Variants in EDIL3 observed in about 807,000 individuals in gnomAD.
EDIL3 encodes EGF like and discoidin domains 3.
In EDIL3, 37 loss-of-function variants were observed where a neutral mutation model predicts 67.4. The ratio of observed to expected loss-of-function variants is 0.55; its 90% CI spans 0.42 to 0.72. The LOEUF is 0.72. EDIL3 is among the 30% of genes least tolerant of loss of function. EDIL3 has a pLI of 0.00. For synonymous variants in EDIL3, 195 were observed against 196.3 expected (o/e 0.99, Z 0.05); for missense variants, 527 against 586.3 (o/e 0.90, Z 1.04).
chr5:84,168,106 TA>T (rs2015692551), intron 4 of EDIL3, among the ~76,000 whole-genome samples: 1 of 152,190 alleles, frequency 6.6e-6, no homozygotes, highest in Non-Finnish European at 1.5e-5. Flanking sequence ...CAAAATAAAT[TA>T]AAATGTTGAG....
intron 9 of EDIL3, among the ~76,000 whole-genome samples, chr5:84,006,343 TAAAACAAAAC>T (rs56161304): frequency 0.07 from 10,356 of 147,788 alleles, 640 homozygotes; most frequent in African/African-American, 0.17. Flanking sequence ...TATGCAGCCA[TAAAACAAAAC>T]AAAACAAAAC....
intron 1 of EDIL3, among the ~76,000 whole-genome samples, chr5:84,294,144 G>A (rs1745987387): frequency 6.6e-6 from 1 of 150,562 alleles, no homozygotes; most frequent in Non-Finnish European, 1.5e-5. Context: ...AGCACTTCAG[G>A]AGGCCGAGAC....
At chr5:84,331,242 C>G (rs1024216059) in intron 1 of EDIL3, among the ~76,000 whole-genome samples, 2 of 152,118 alleles carry the variant, frequency 1.3e-5, no homozygotes, top group Non-Finnish European at 2.9e-5. Flanking sequence ...TAAGTTAAGA[C>G]TTTGGGAGAC....
chr5:84,055,559 T>A (rs1328000178), intron 9 of EDIL3, among the ~76,000 whole-genome samples: 1 of 151,840 alleles, frequency 6.6e-6, no homozygotes, highest in African/African-American at 2.4e-5. Flanking sequence ...AATCTAGTCA[T>A]CTGACAAAGG....
intron 8 of EDIL3, 122 bp from the exon 9 acceptor site, chr5:84,060,606 A>G (rs2112235612): frequency 1.8e-6 from 2 of 1,081,642 alleles, no homozygotes; most frequent in South Asian, 3.4e-5. Context: ...CAAAGAGAAA[A>G]CATCTAAATC....
intron 3 of EDIL3, among the ~76,000 whole-genome samples, chr5:84,216,045 A>G (rs1346105816): frequency 2.6e-5 from 4 of 152,150 alleles, no homozygotes; most frequent in Admixed American, 2.6e-4. Context: ...TCCATGAGTG[A>G]GAAGATGCTG....
At chr5:84,079,107 C>T (rs565985417) in intron 6 of EDIL3, among the ~76,000 whole-genome samples, 43 of 152,222 alleles carry the variant, frequency 2.8e-4, no homozygotes, top group African/African-American at 9.1e-4. Context: ...AGACAGCTTT[C>T]GGGTTGCTGA....
rs61345628 is a variant in EDIL3 at position 83,995,444 on chromosome 5, A to G, written c.1138-32084T>C. ...GAACTATTGAAGAAGTGATCTCTGT[A>G]TCAGTCTATAGAGTAGAATTATCCA... On this transcript the variant is annotated intron_variant, in intron 9 of 10. Coordinates refer to ENST00000296591, the MANE Select transcript of EDIL3 (RefSeq NM_005711.5). Among the ~76,000 whole-genome samples, 318 of 152,326 alleles carry G rather than the reference A, an allele frequency of 2.1e-3. 2 individuals carry two copies. Among genetic ancestry groups the G allele is most frequent in the African/African-American group, 7.5e-3 (310 of 41,586 alleles).
At chr5:84,061,922 C>A (rs1746550769) in intron 8 of EDIL3, among the ~76,000 whole-genome samples, 1 of 152,084 alleles carries the variant, frequency 6.6e-6, no homozygotes, top group Admixed American at 6.6e-5. Context: ...TAGAACTCTT[C>A]ATTGATCAAT....
Position 84,248,657 on chromosome 5 carries a change from CCTT to C in EDIL3, c.196+5424_196+5426del, listed in dbSNP as rs546882610. Among the ~76,000 whole-genome samples the C allele has an allele frequency of 6.6e-5, 10 of 152,292 alleles. No homozygotes were observed. In the South Asian group the frequency reaches 2.1e-3, roughly 32 times the overall value. On this transcript the variant is annotated intron_variant, in intron 2 of 10. Transcript: ENST00000296591. ...TTCAACATGTGAAATACTGAACTCT[CCTT>C]CTGCCTCCCAATCCTGTGTATTGTC... is the stretch of plus-strand genomic sequence containing the variant.
At chr5:84,222,745 C>A (rs1279830957) in intron 3 of EDIL3, among the ~76,000 whole-genome samples, 1 of 149,426 alleles carries the variant, frequency 6.7e-6, no homozygotes, top group Non-Finnish European at 1.5e-5. Flanking sequence ...TGTTGAGCAC[C>A]TTATCATACA....
chr5:84,276,165 A>G (rs1294291263), intron 1 of EDIL3, among the ~76,000 whole-genome samples: 3 of 151,908 alleles, frequency 2.0e-5, no homozygotes, highest in Admixed American at 1.3e-4. Context: ...ATCTTATCTC[A>G]TTCTTTTGTT....
chr5:84,071,994 A>G (rs1171178553), intron 6 of EDIL3, among the ~76,000 whole-genome samples: 1 of 152,174 alleles, frequency 6.6e-6, no homozygotes, highest in Non-Finnish European at 1.5e-5. Flanking sequence ...ACAATTTGAT[A>G]GATTTCTCAA....
At chr5:84,112,701 C>T (rs1487108936) in intron 5 of EDIL3, among the ~76,000 whole-genome samples, 2 of 152,160 alleles carry the variant, frequency 1.3e-5, no homozygotes, top group East Asian at 3.9e-4. Context: ...TGGTCCACAA[C>T]TCATCCACAT....
chr5:84,009,721 G>A (rs1242154720), intron 9 of EDIL3, among the ~76,000 whole-genome samples: 1 of 152,132 alleles, frequency 6.6e-6, no homozygotes, highest in Non-Finnish European at 1.5e-5. Context: ...ATGGAGAAAT[G>A]GATGACTCGA....
At chr5:84,303,411 T>C (rs781726973) in intron 1 of EDIL3, among the ~76,000 whole-genome samples, 2 of 152,280 alleles carry the variant, frequency 1.3e-5, no homozygotes, top group East Asian at 3.9e-4. Flanking sequence ...ATTCTAGCCA[T>C]GCATAAACAT....
chr5:84,055,556 T>C (rs1480076025), intron 9 of EDIL3, among the ~76,000 whole-genome samples: 1 of 151,622 alleles, frequency 6.6e-6, no homozygotes, highest in Non-Finnish European at 1.5e-5. Flanking sequence ...TGCAATCTAG[T>C]CATCTGACAA....
At chr5:84,332,750 G>C (rs958344677) in intron 1 of EDIL3, among the ~76,000 whole-genome samples, 1 of 152,128 alleles carries the variant, frequency 6.6e-6, no homozygotes, top group Non-Finnish European at 1.5e-5. Context: ...TAGCAAATCA[G>C]TGTCTTATAT....
At chr5:84,371,319 G>GTATATATATATATATATA (rs71607709) in intron 1 of EDIL3, among the ~76,000 whole-genome samples, 1,982 of 115,060 alleles carry the variant, frequency 0.017, 20 homozygotes, top group Non-Finnish European at 0.022. Flanking sequence ...TAGATAAAAA[G>GTATATATATATATATATA]TATATATATA....
Sources: gnomAD v4.1 joint callset for allele counts (sites outside exome capture counted in the v4.1 genomes callset) on GRCh38, gnomAD v4.1.1 for gene constraint, MANE v1.5 for transcripts, NCBI Gene and HGNC (gene_info 2026-07-23, HGNC 2026-07-21) for gene names.